RPLP2: variants seen among roughly 807,000 people sequenced by gnomAD.
The protein encoded by RPLP2 is ribosomal protein lateral stalk subunit P2.
In RPLP2, 1 loss-of-function variant was observed where a neutral mutation model predicts 11.5. That is an observed-to-expected ratio of 0.09 (90% CI 0.03 to 0.41). The LOEUF (loss-of-function observed/expected upper bound fraction) is 0.41. RPLP2 is among the 10% of genes least tolerant of loss of function. The pLI, the probability that RPLP2 is intolerant of heterozygous loss-of-function variation, is 0.98. For synonymous variants in RPLP2, 82 were observed against 55.9 expected (o/e 1.47, Z -2.08); for missense variants, 177 against 145.6 (o/e 1.22, Z -1.11).
Position 810,341 on chromosome 11 carries a change from A to G in RPLP2, c.107A>G (p.Asp36Gly). 1 of 1,607,760 alleles carries G rather than the reference A, an allele frequency of 6.2e-7. No homozygotes were observed. The highest frequency in any genetic ancestry group is 1.1e-5 in the South Asian group (1 of 90,226). Reference protein sequence around the residue: ...ILDSVGIEADDDRLNKVISEL... With the variant: ...ILDSVGIEADGDRLNKVISEL... ...GACAGCGTGGGTATCGAGGCGGACG[A>G]CGACCGGCTCAACAAGGTAGCGGCC... The change falls in exon 2 of 5, where the codon GAC (aspartate) becomes GGC (glycine). Residue 36 changes from aspartate to glycine, a missense_variant. Transcript: ENST00000321153.
At chr11:812,287 T>G (rs1436975786) in intron 3 of RPLP2, 1 of 549,486 alleles carries the variant, frequency 1.8e-6, no homozygotes. Flanking sequence ...GGTGGGGAAA[T>G]TGGGCAGGCA....
Position 810,089 on chromosome 11 carries a change from T to TG in RPLP2, c.-2+54dup, listed in dbSNP as rs527404049. The TG allele has an allele frequency of 4.6e-5, 46 of 1,003,972 alleles. 1 individual carries two copies. The South Asian group carries it at 5.2e-4, about 11-fold the overall frequency. 62.2% of individuals were successfully genotyped at this position (1,003,972 alleles called of 1,614,324 possible). A position where few individuals can be genotyped will look rare whatever the true frequency, so the allele number is the denominator to read the frequency against. ...GTGCCGGCTGGGGACGCGGAGTCCGTGGGGATGCGGGGTGGGCGGCGGGGT... is the reference window on the plus strand; with the variant it reads ...GTGCCGGCTGGGGACGCGGAGTCCGTGGGGGATGCGGGGTGGGCGGCGGGGT... On this transcript the variant is annotated intron_variant, in intron 1 of 4. Transcript: ENST00000321153.
chr11:810,650 C>T (rs1866005523), intron 2 of RPLP2, among the ~76,000 whole-genome samples: 1 of 152,004 alleles, frequency 6.6e-6, no homozygotes, highest in Non-Finnish European at 1.5e-5. Context: ...AAAAATTAGC[C>T]GGGCGTGGTG....
intron 1 of RPLP2, 58 bp downstream of exon 1, chr11:810,097 C>A (rs1865975913): frequency 9.4e-7 from 1 of 1,066,442 alleles, no homozygotes; most frequent in Non-Finnish European, 1.2e-6. Context: ...CGTGGGGATG[C>A]GGGGTGGGCG....
Position 811,819 on chromosome 11 carries a change from GAGCAGGGC to G in RPLP2, c.172+182_172+189del, listed in dbSNP as rs1866075054. 5.9e-6 allele frequency: 5 copies of G among 847,090 alleles called. No individual in the cohort carries two copies. The East Asian group carries it at 1.2e-4, about 20-fold the overall frequency. The allele number at this position is 847,090 out of a possible 1,614,324, so 52.5% of individuals were successfully genotyped here. On this transcript the variant is annotated intron_variant, in intron 3 of 4. Transcript: ENST00000321153. ...CATGGGCACTTCTAGACACTCTCAGGAGCAGGGCAGCAGGGGGCACCCTGTGTTCTCAG... is the reference window on the plus strand; with the variant it reads ...CATGGGCACTTCTAGACACTCTCAGGAGCAGGGGGCACCCTGTGTTCTCAG...
At position 812,638 on chromosome 11, in the gene RPLP2, G is replaced by A. The variant is rs750895101; in HGVS notation, c.271+5G>A. ...CTGGTTCTGCCCCTGCTGCAGGTAA[G>A]TGGTGGCCTGGTGAGTGGGCAAGGG... On this transcript the variant is annotated splice_donor_5th_base_variant and intron_variant, in intron 4 of 4. Transcript: ENST00000321153. 78 of 1,610,590 alleles carry A rather than the reference G, an allele frequency of 4.8e-5. No homozygotes were observed. Among genetic ancestry groups the A allele is most frequent in the Non-Finnish European group, 6.4e-5 (76 of 1,179,936 alleles).
intron 3 of RPLP2, chr11:811,868 C>T: frequency 2.6e-6 from 2 of 758,734 alleles, no homozygotes; most frequent in East Asian, 2.5e-5. Flanking sequence ...GTTTAGGTGG[C>T]CCTGCCTCTT....
rs114909368 is a variant in RPLP2 at position 811,503 on chromosome 11, G to T, written c.124-94G>T. 2.9e-3 allele frequency: 4,377 copies of T among 1,508,264 alleles called. 112 individuals are homozygous for T. The African/African-American group carries it at 0.054, about 19-fold the overall frequency. 93.4% of individuals were successfully genotyped at this position (1,508,264 alleles called of 1,614,324 possible). ...TGGAAACTTCAGGGCCTATTCCCATGTGGGGAACCCAGTCCTGCTGTGACT... is the reference window on the plus strand; with the variant it reads ...TGGAAACTTCAGGGCCTATTCCCATTTGGGGAACCCAGTCCTGCTGTGACT... On this transcript the variant is annotated intron_variant, in intron 2 of 4. Transcript: ENST00000321153.
At chr11:812,105 C>T (rs1321510333) in intron 3 of RPLP2, 2 of 376,138 alleles carry the variant, frequency 5.3e-6, no homozygotes, top group Non-Finnish European at 1.0e-5. Context: ...GGAAGTTGAG[C>T]TGTTGGGGCA....
chr11:810,629 A>G (rs777943039), intron 2 of RPLP2: 1 of 296,228 alleles, frequency 3.4e-6, no homozygotes, highest in Non-Finnish European at 6.3e-6. Flanking sequence ...CCCCATCCCT[A>G]CTAAAAATAC....
At chr11:811,007 CAA>C (rs56150719) in intron 2 of RPLP2, among the ~76,000 whole-genome samples, 4,876 of 90,376 alleles carry the variant, frequency 0.054, 145 homozygotes, top group East Asian at 0.28. Flanking sequence ...CCGGTCTCCA[CAA>C]AAAAAAAAAA....
At position 811,577 on chromosome 11, in the gene RPLP2, C is replaced by T; in HGVS notation, c.124-20C>T. On this transcript the variant is annotated intron_variant, in intron 2 of 4. Transcript: ENST00000321153. ...ACAATCGTACATTCCTGGTAACAGC[C>T]CTGTGATTGTCTGCTTCAGGTTATC... 6.2e-7 allele frequency: 1 copy of T among 1,614,084 alleles called. No individual in the cohort carries two copies.
Position 810,354 on chromosome 11 carries a change from C to T in RPLP2, c.120C>T (p.Asn40=), listed in dbSNP as rs768104043. The T allele has an allele frequency of 2.8e-5, 45 of 1,606,298 alleles. No individual in the cohort carries two copies. Among genetic ancestry groups the T allele is most frequent in the Non-Finnish European group, 3.7e-5 (43 of 1,177,168 alleles). The change falls in exon 2 of 5, where the codon AAC becomes AAT. Residue 40 remains asparagine, a synonymous_variant. Coordinates refer to ENST00000321153, the MANE Select transcript of RPLP2 (RefSeq NM_001004.4). ...VGIEADDDRL[N]KVISELNGKN... Reference sequence around the variant, plus strand: ...TCGAGGCGGACGACGACCGGCTCAACAAGGTAGCGGCCGCCCTTGCCCCGC... The same window carrying T: ...TCGAGGCGGACGACGACCGGCTCAATAAGGTAGCGGCCGCCCTTGCCCCGC...
chr11:812,846 C>T lies in RPLP2; in HGVS notation c.*10C>T, dbSNP rs1845428484. On this transcript the variant is annotated 3_prime_UTR_variant, in exon 5 of 5. Transcript: ENST00000321153. ...TGGCCTTTTTGATTAAATTCCTGCT[C>T]CCCTGCAAATAAAGCCTTTTTACAC... The T allele has an allele frequency of 1.2e-6, 2 of 1,612,188 alleles. No homozygotes were observed. Among genetic ancestry groups the T allele is most frequent in the South Asian group, 1.1e-5 (1 of 90,988 alleles).
intron 2 of RPLP2, 164 bp from the exon 3 acceptor site, chr11:811,433 C>A (rs1439958246): frequency 1.3e-5 from 9 of 694,192 alleles, no homozygotes; most frequent in Non-Finnish European, 2.2e-5. Flanking sequence ...ATTTTTATAT[C>A]ACTTCCCAAG....
chr11:810,463 G>A (rs1865996775), intron 2 of RPLP2, 106 bp downstream of exon 2: 1 of 1,158,514 alleles, frequency 8.6e-7, no homozygotes. Context: ...GGAGAGGCTC[G>A]TTTCAGTCTA....
chr11:811,781 A>G (rs1342064856), intron 3 of RPLP2, 136 bp downstream of exon 3: 4 of 1,086,658 alleles, frequency 3.7e-6, no homozygotes, highest in African/African-American at 1.5e-5. Flanking sequence ...GCAGGGCTCC[A>G]GTGGGCTCAC....
At position 810,047 on chromosome 11, in the gene RPLP2, T is replaced by G; in HGVS notation, c.-2+8T>G. The G allele has an allele frequency of 3.2e-6, 2 of 624,430 alleles. No homozygotes were observed. Among genetic ancestry groups the G allele is most frequent in the Non-Finnish European group, 4.8e-6 (2 of 413,814 alleles). The allele number at this position is 624,430 out of a possible 1,614,324, so 38.7% of individuals were successfully genotyped here. The stretch of plus-strand genomic sequence containing the variant: ...CGCCGCAGACGCCGCCGCGTGAGTG[T>G]GGTGACCGGGCCCGGGGTGCCGGCT... On this transcript the variant is annotated splice_region_variant and intron_variant, in intron 1 of 4. Coordinates refer to ENST00000321153, the MANE Select transcript of RPLP2 (RefSeq NM_001004.4).
chr11:812,389 T>G (rs1590168635), intron 3 of RPLP2, 146 bp from the exon 4 acceptor site: 1 of 1,007,290 alleles, frequency 9.9e-7, no homozygotes, highest in Admixed American at 2.2e-5. Flanking sequence ...AGGGAGGGAG[T>G]GTTCAGGAAG....
Sources: allele counts gnomAD v4.1 joint callset (sites outside exome capture counted in the v4.1 genomes callset), GRCh38; gene constraint gnomAD v4.1.1; transcripts MANE v1.5; gene names NCBI Gene and HGNC (gene_info 2026-07-23, HGNC 2026-07-21).